Variants in CSNK1G1 observed in about 807,000 individuals in gnomAD.
CSNK1G1 encodes casein kinase 1 gamma 1, also known as casein kinase I isoform gamma-1.
In CSNK1G1, 22 loss-of-function variants were observed where a neutral mutation model predicts 59.6. The ratio of observed to expected loss-of-function variants is 0.37; its 90% CI spans 0.26 to 0.53. The LOEUF is 0.53. Ranked by LOEUF, CSNK1G1 falls within the 20% of genes least tolerant of loss-of-function variation. The pLI is 0.89. For synonymous variants in CSNK1G1, 179 were observed against 177.1 expected, an observed-to-expected ratio of 1.01 and a Z score of -0.08; for missense variants, 384 against 519.5, an observed-to-expected ratio of 0.74 and a Z score of 2.54.
At chr15:64,181,240 C>T (rs756230407) in intron 10 of CSNK1G1, 29 of 1,535,466 alleles carry the variant, frequency 1.9e-5, no homozygotes, top group African/African-American at 1.5e-4. Flanking sequence ...TGATGGTCCC[C>T]GAAATGTAAG....
chr15:64,179,224 C>G (rs949738990), intron 11 of CSNK1G1, among the ~76,000 whole-genome samples: 3 of 151,976 alleles, frequency 2.0e-5, no homozygotes, highest in Non-Finnish European at 4.4e-5. Context: ...CCAGCTTTGG[C>G]AACAGAGAGA....
At chr15:64,242,836 A>C (rs1274603331) in intron 4 of CSNK1G1, among the ~76,000 whole-genome samples, 1 of 152,162 alleles carries the variant, frequency 6.6e-6, no homozygotes, top group East Asian at 1.9e-4. Flanking sequence ...TTCTTAACAA[A>C]ATACTAGCAA....
At chr15:64,334,079 A>G (rs183698244) in intron 1 of CSNK1G1, among the ~76,000 whole-genome samples, 23 of 152,344 alleles carry the variant, frequency 1.5e-4, no homozygotes, top group African/African-American at 5.3e-4. Context: ...TGGACCTAAC[A>G]GATATTTACT....
At chr15:64,229,528 T>TTCTCTCTCTCTCTCTCTCTC (rs34099287) in intron 4 of CSNK1G1, among the ~76,000 whole-genome samples, 1 of 144,244 alleles carries the variant, frequency 6.9e-6, no homozygotes, top group African/African-American at 2.6e-5. Context: ...CTCTCTCTCT[T>TTCTCTCTCTCTCTCTCTCTC]TCTCTCTCTC....
chr15:64,306,052 T>G (rs1000074630), intron 1 of CSNK1G1, among the ~76,000 whole-genome samples: 2 of 152,170 alleles, frequency 1.3e-5, no homozygotes, highest in African/African-American at 4.8e-5. Context: ...CTATATGCCA[T>G]AGGAAAAAAT....
At chr15:64,218,831 G>T (rs911868775) in intron 4 of CSNK1G1, among the ~76,000 whole-genome samples, 1 of 147,970 alleles carries the variant, frequency 6.8e-6, no homozygotes, top group Non-Finnish European at 1.5e-5. Flanking sequence ...CTCCAAAAGA[G>T]AAAAGGATTT....
chr15:64,172,137 G>A (rs1179524640), intron 11 of CSNK1G1, 152 bp from the exon 12 acceptor site: 4 of 683,864 alleles, frequency 5.8e-6, no homozygotes, highest in African/African-American at 5.3e-5. Context: ...ACTGGAGGCA[G>A]TGGGCAGTGT....
intron 2 of CSNK1G1, among the ~76,000 whole-genome samples, chr15:64,281,423 T>C (rs116957578): frequency 2.9e-3 from 434 of 152,100 alleles, no homozygotes; most frequent in Non-Finnish European, 5.5e-3. Context: ...CTGAGCAACA[T>C]AGTGAGACTC....
At position 64,166,209 on chromosome 15, in the gene CSNK1G1, T is replaced by A. The variant is rs374863011; in HGVS notation, c.*5722A>T. 4 of 447,782 alleles carry A rather than the reference T, an allele frequency of 8.9e-6. No individual in the cohort carries two copies. Among genetic ancestry groups the A allele is most frequent in the African/African-American group, 8.1e-5 (4 of 49,342 alleles). 27.7% of individuals were successfully genotyped at this position (447,782 alleles called of 1,614,324 possible). A position where few individuals can be genotyped will look rare whatever the true frequency, so the allele number is the denominator to read the frequency against. ...AAAAATCGCAATCAACATCCCAACATCTTTTTAAGAGTACAATGGGCAAAG... is the reference window on the plus strand; with the variant it reads ...AAAAATCGCAATCAACATCCCAACAACTTTTTAAGAGTACAATGGGCAAAG... On this transcript the variant is annotated 3_prime_UTR_variant, in exon 12 of 12. Transcript: ENST00000303052. This position sits in a 1 kb window ranked among gnomAD's most constrained non-coding sequence, Gnocchi z 4.5.
chr15:64,265,103 T>C (rs1193330398), intron 2 of CSNK1G1, among the ~76,000 whole-genome samples: 1 of 152,162 alleles, frequency 6.6e-6, no homozygotes, highest in Non-Finnish European at 1.5e-5. Flanking sequence ...CATAATCATA[T>C]ATATAGAAAA....
At chr15:64,253,525 A>T (rs1245874035) in intron 3 of CSNK1G1, among the ~76,000 whole-genome samples, 1 of 152,188 alleles carries the variant, frequency 6.6e-6, no homozygotes, top group East Asian at 1.9e-4. Context: ...TTTTTCAAAA[A>T]ATTAAAGACA....
chr15:64,220,966 A>T (rs2082381407), intron 4 of CSNK1G1, among the ~76,000 whole-genome samples: 1 of 152,242 alleles, frequency 6.6e-6, no homozygotes, highest in South Asian at 2.1e-4. Context: ...TGCCAAGAAT[A>T]GATGGAGCAA....
At chr15:64,183,366 TACTTTTA>T (rs2081846028) in intron 10 of CSNK1G1, among the ~76,000 whole-genome samples, 3 of 152,232 alleles carry the variant, frequency 2.0e-5, no homozygotes. Flanking sequence ...CTCCATTCTC[TACTTTTA>T]AACTTAATTG....
chr15:64,322,209 T>G (rs1329889031), intron 1 of CSNK1G1, among the ~76,000 whole-genome samples: 1 of 152,196 alleles, frequency 6.6e-6, no homozygotes, highest in Non-Finnish European at 1.5e-5. Context: ...CATTTCTCTT[T>G]CCTAGTTTTG....
chr15:64,302,065 C>G lies in CSNK1G1; in HGVS notation c.-224-1342G>C, dbSNP rs1044592117. Among the ~76,000 whole-genome samples, 14 of 152,124 alleles carry G rather than the reference C, an allele frequency of 9.2e-5. 2 individuals carry two copies. Among genetic ancestry groups the G allele is most frequent in the Admixed American group, 9.2e-4 (14 of 15,258 alleles). On this transcript the variant is annotated intron_variant, in intron 1 of 11. Coordinates refer to ENST00000303052, the MANE Select transcript of CSNK1G1 (RefSeq NM_022048.5). ...GCTGTCAGCTGACTGTACAAGTGGG[C>G]ACATAATCCAATAATACAATCTGTT...
intron 2 of CSNK1G1, among the ~76,000 whole-genome samples, chr15:64,288,384 A>C (rs78487616): frequency 0.061 from 9,326 of 152,168 alleles, 373 homozygotes; most frequent in South Asian, 0.11. Context: ...AACATCTAAT[A>C]TTGAAAAAAT....
rs112790171 is a variant in CSNK1G1, at chr15:64,304,204, A to G, written c.-224-3481T>C. Reference sequence around the variant, plus strand: ...GGAGTTCAAAACCAGCCTGGCCAACATGGTGATACCCTGTCTCTACTAAAA... The same window carrying G: ...GGAGTTCAAAACCAGCCTGGCCAACGTGGTGATACCCTGTCTCTACTAAAA... On this transcript the variant is annotated intron_variant, in intron 1 of 11. Coordinates refer to ENST00000303052, the MANE Select transcript of CSNK1G1 (RefSeq NM_022048.5). Among the ~76,000 whole-genome samples, 610 of 152,052 alleles carry G rather than the reference A, an allele frequency of 4.0e-3. 7 individuals are homozygous for G. Among genetic ancestry groups the G allele is most frequent in the African/African-American group, 0.014 (584 of 41,494 alleles).
At chr15:64,192,582 G>C (rs1363948291) in intron 10 of CSNK1G1, among the ~76,000 whole-genome samples, 1 of 152,158 alleles carries the variant, frequency 6.6e-6, no homozygotes, top group Non-Finnish European at 1.5e-5. Context: ...TAATGTAAGA[G>C]TGACACTAAC....
chr15:64,258,618 T>C (rs1892524242), intron 3 of CSNK1G1, among the ~76,000 whole-genome samples: 2 of 152,118 alleles, frequency 1.3e-5, no homozygotes, highest in Admixed American at 1.3e-4. Context: ...GATAAAGAAT[T>C]CTGTCTTTTA....
Sources: allele counts gnomAD v4.1 joint callset (sites outside exome capture counted in the v4.1 genomes callset), GRCh38; gene constraint gnomAD v4.1.1; non-coding constraint Gnocchi (gnomAD v3.1); transcripts MANE v1.5; gene names NCBI Gene and HGNC (gene_info 2026-07-23, HGNC 2026-07-21).